KCNK2: variants seen among roughly 807,000 people sequenced by gnomAD.
The protein encoded by KCNK2 is potassium two pore domain channel subfamily K member 2, also known as potassium channel subfamily K member 2.
A neutral mutation model predicts 40.5 loss-of-function variants in KCNK2; 21 were observed. That is an observed-to-expected ratio of 0.52 (90% CI 0.37 to 0.75). KCNK2 has a LOEUF of 0.75. KCNK2 is among the 30% of genes least tolerant of loss of function. KCNK2 has a pLI of 0.00. For synonymous variants in KCNK2, 191 were observed against 202.2 expected (o/e 0.94, Z 0.47); for missense variants, 399 against 531.6 (o/e 0.75, Z 2.45).
At chr1:215,185,516 A>G (rs1233735667) in intron 5 of KCNK2, among the ~76,000 whole-genome samples, 1 of 152,240 alleles carries the variant, frequency 6.6e-6, no homozygotes, top group Non-Finnish European at 1.5e-5. Flanking sequence ...ATTGCCTCAT[A>G]TAGTCCAATA....
intron 3 of KCNK2, among the ~76,000 whole-genome samples, chr1:215,159,619 G>A (rs1307192326): frequency 1.3e-5 from 2 of 152,042 alleles, no homozygotes; most frequent in African/African-American, 4.8e-5. Flanking sequence ...ACTATCCTAT[G>A]GTTTTATTTC....
chr1:215,224,640 C>G (rs1260792778), intron 6 of KCNK2, among the ~76,000 whole-genome samples: 2 of 152,024 alleles, frequency 1.3e-5, no homozygotes. Flanking sequence ...CTCAAATGAC[C>G]TGGAGTAGAG....
intron 4 of KCNK2, among the ~76,000 whole-genome samples, chr1:215,170,607 T>G (rs955392106): frequency 2.0e-5 from 3 of 152,186 alleles, no homozygotes; most frequent in Non-Finnish European, 2.9e-5. Context: ...CAGTTCCAGT[T>G]TTAGCACTAG....
intron 3 of KCNK2, among the ~76,000 whole-genome samples, chr1:215,140,787 C>G (rs1409149472): frequency 6.6e-6 from 1 of 152,084 alleles, no homozygotes; most frequent in Non-Finnish European, 1.5e-5. Context: ...ACACTCTTCA[C>G]TTAGGCTGCA....
At chr1:215,039,478 A>G (rs1055529447) in intron 1 of KCNK2, among the ~76,000 whole-genome samples, 1 of 152,140 alleles carries the variant, frequency 6.6e-6, no homozygotes, top group African/African-American at 2.4e-5. Context: ...CTAGAAGTGA[A>G]TCATTGCCAA....
chr1:215,234,877 C>A lies in KCNK2; in HGVS notation c.1013C>A (p.Ala338Asp). 2 of 1,613,990 alleles carry A rather than the reference C, an allele frequency of 1.2e-6. No individual in the cohort carries two copies. The highest frequency in any genetic ancestry group is 1.7e-6 in the Non-Finnish European group (2 of 1,179,996). ...GCTGAGTGGACAGCCAACGTCACAG[C>A]CGAATTCAAAGAAACCAGGAGGCGA... The part of the protein sequence containing the change: ...HAAEWTANVT[A>D]EFKETRRRLS... The change falls in exon 7 of 7, where the codon GCC (alanine) becomes GAC (aspartate). Residue 338 changes from alanine to aspartate, a missense_variant. Around this residue, in one of 3 missense-constraint regions of KCNK2, gnomAD observed 103 missense variants for 124.3 expected, o/e 0.83. Transcript: ENST00000444842.
chr1:215,226,960 G>A (rs902239946), intron 6 of KCNK2, among the ~76,000 whole-genome samples: 8 of 152,216 alleles, frequency 5.3e-5, no homozygotes, highest in African/African-American at 1.4e-4. Context: ...GCTTTTCACC[G>A]GCTGCATCTT....
At chr1:215,016,599 T>A (rs1656595756) in intron 1 of KCNK2, among the ~76,000 whole-genome samples, 1 of 152,128 alleles carries the variant, frequency 6.6e-6, no homozygotes, top group East Asian at 1.9e-4. Flanking sequence ...TATATAAAAA[T>A]TAACTCAAAT....
At position 215,235,025 on chromosome 1, in the gene KCNK2, C is replaced by G; in HGVS notation, c.1161C>G (p.Asn387Lys). Residue 387 changes from asparagine to lysine, a missense_variant, in exon 7 of 7, where the codon AAC becomes AAG. Around this residue, in one of 3 missense-constraint regions of KCNK2, gnomAD observed 103 missense variants for 124.3 expected, o/e 0.83. Transcript: ENST00000444842. ...CTTGTAGGAGGACCCTGTCAGTGAA[C>G]CACCTGACCAGCGAGAGGGATGTCT... is the stretch of plus-strand genomic sequence containing the variant. ...LTPCRRTLSVNHLTSERDVLP... is the reference protein window; with the variant it reads ...LTPCRRTLSVKHLTSERDVLP... 6.2e-7 allele frequency: 1 copy of G among 1,613,988 alleles called. No homozygotes were observed. Among genetic ancestry groups the G allele is most frequent in the Non-Finnish European group, 8.5e-7 (1 of 1,179,960 alleles).
chr1:215,190,387 G>A (rs1373802430), intron 5 of KCNK2, among the ~76,000 whole-genome samples: 3 of 152,126 alleles, frequency 2.0e-5, no homozygotes, highest in African/African-American at 7.2e-5. Context: ...CAGGCAGTAT[G>A]AGCAAAATAG....
chr1:215,182,207 G>A (rs1045213543), intron 5 of KCNK2, among the ~76,000 whole-genome samples: 32 of 152,130 alleles, frequency 2.1e-4, no homozygotes, highest in African/African-American at 7.5e-4. Context: ...ATCTGCCTGG[G>A]TGTGGAGCAG....
intron 2 of KCNK2, among the ~76,000 whole-genome samples, chr1:215,123,651 C>A (rs1342310861): frequency 2.6e-5 from 4 of 152,142 alleles, no homozygotes; most frequent in South Asian, 4.1e-4. Flanking sequence ...CATTTGCCAG[C>A]AAACTGTGTA....
At chr1:215,170,958 G>A (rs1230748045) in intron 4 of KCNK2, among the ~76,000 whole-genome samples, 2 of 152,066 alleles carry the variant, frequency 1.3e-5, no homozygotes, top group African/African-American at 2.4e-5. Context: ...AAGCACTATT[G>A]TATAATCTTT....
At chr1:215,013,001 G>T (rs1047111646) in intron 1 of KCNK2, among the ~76,000 whole-genome samples, 2 of 151,806 alleles carry the variant, frequency 1.3e-5, no homozygotes, top group African/African-American at 2.4e-5. Context: ...CAGAATATTT[G>T]TACTTTTATG....
At chr1:215,071,282 T>G (rs1221167307) in intron 1 of KCNK2, among the ~76,000 whole-genome samples, 1 of 152,220 alleles carries the variant, frequency 6.6e-6, no homozygotes, top group Admixed American at 6.5e-5. Context: ...CATTTTGTCC[T>G]CAGTTATTAC....
At chr1:215,031,630 T>C (rs1444663793) in intron 1 of KCNK2, among the ~76,000 whole-genome samples, 1 of 142,382 alleles carries the variant, frequency 7.0e-6, no homozygotes, top group African/African-American at 2.4e-5. Flanking sequence ...TGAAACAATA[T>C]GAAATCTTAA....
intron 6 of KCNK2, among the ~76,000 whole-genome samples, chr1:215,229,216 T>A (rs953624599): frequency 6.6e-6 from 1 of 151,854 alleles, no homozygotes; most frequent in African/African-American, 2.4e-5. Context: ...TCTTTTTTTT[T>A]TTTTTTTGAA....
chr1:215,061,306 C>T (rs1658353464), intron 1 of KCNK2, among the ~76,000 whole-genome samples: 2 of 151,698 alleles, frequency 1.3e-5, no homozygotes, highest in African/African-American at 4.8e-5. Flanking sequence ...CTGCTTTCAG[C>T]TTTCATGTAA....
upstream of KCNK2, chr1:215,005,824 C>T: frequency 2.8e-6 from 3 of 1,072,630 alleles, no homozygotes; most frequent in Non-Finnish European, 4.4e-6. Flanking sequence ...CTTGTTAGTA[C>T]AAGTGACTCT....
Sources: gnomAD v4.1 joint callset for allele counts (sites outside exome capture counted in the v4.1 genomes callset) on GRCh38, gnomAD v4.1.1 for gene constraint, gnomAD v4.1.1 regional missense constraint, MANE v1.5 for transcripts, NCBI Gene and HGNC (gene_info 2026-07-23, HGNC 2026-07-21) for gene names.